The following DSG2 variants were observed in gnomAD, a reference collection of about 807,000 sequenced individuals.
The protein encoded by DSG2 is desmoglein-2.
A neutral mutation model predicts 75.6 loss-of-function variants in DSG2; 45 were observed. The ratio of observed to expected loss-of-function variants is 0.60; its 90% CI spans 0.47 to 0.76. DSG2 has a LOEUF of 0.76. Among genes scored for constraint, DSG2 ranks in the 30% least tolerant of loss-of-function variants. The probability of loss-of-function intolerance (pLI) is 0.00; values close to 1 mark genes in which losing one functional copy is unlikely to be tolerated. For missense variants in DSG2, 1,267 were observed against 1,357.4 expected (o/e 0.93, Z 1.05); for synonymous variants, 429 against 483.9 (o/e 0.89, Z 1.49).
rs1179912383 is a variant in DSG2 at position 31,542,721 on chromosome 18, G to A, written c.2203G>A (p.Ala735Thr). The A allele has an allele frequency of 9.9e-6, 16 of 1,614,054 alleles. No individual in the cohort carries two copies. The highest frequency in any genetic ancestry group is 5.5e-5 in the South Asian group (5 of 91,084). Residue 735 changes from alanine to threonine, a missense_variant, in exon 14 of 15, where the codon GCC becomes ACC. Physicochemically the swap from Ala to Thr is moderately conservative, Grantham distance 58 (BLOSUM62 0). Transcript: ENST00000261590. ...TGGTAGAGCTACCCAGTTTACAGGG[G>A]CCACAGGCGCTATCATGACCACTGA... ...LSGRATQFTGATGAIMTTETT... is the reference protein window; with the variant it reads ...LSGRATQFTGTTGAIMTTETT...
chr18:31,505,274 A>T (rs1246349534), intron 1 of DSG2, among the ~76,000 whole-genome samples: 2 of 152,156 alleles, frequency 1.3e-5, no homozygotes, highest in African/African-American at 4.8e-5. Context: ...TTCCTCCTGT[A>T]TGCACAGAAA....
intron 1 of DSG2, among the ~76,000 whole-genome samples, chr18:31,513,692 C>T (rs533642608): frequency 1.3e-5 from 2 of 152,300 alleles, no homozygotes; most frequent in Admixed American, 6.5e-5. Flanking sequence ...ATCTCCTCCC[C>T]GCTTCCCTCT....
intron 1 of DSG2, among the ~76,000 whole-genome samples, chr18:31,499,326 C>T (rs996395655): frequency 1.3e-5 from 2 of 151,498 alleles, no homozygotes; most frequent in Admixed American, 1.3e-4. Flanking sequence ...GCCCTTCTAT[C>T]CTCGAGTTTT....
intron 12 of DSG2, among the ~76,000 whole-genome samples, chr18:31,539,419 A>G (rs908378073): frequency 6.6e-6 from 1 of 152,180 alleles, no homozygotes; most frequent in Non-Finnish European, 1.5e-5. Flanking sequence ...CCTGCTTTGT[A>G]CATTCAACTT....
chr18:31,523,857 C>T (rs2144320986), intron 6 of DSG2, among the ~76,000 whole-genome samples: 1 of 152,356 alleles, frequency 6.6e-6, no homozygotes, highest in East Asian at 1.9e-4. Context: ...TGGTGTCCTG[C>T]TGTGCACTGA....
At chr18:31,541,135 T>A in intron 12 of DSG2, 58 bp from the exon 13 acceptor site, 1 of 1,612,216 alleles carries the variant, frequency 6.2e-7, no homozygotes, top group Non-Finnish European at 8.5e-7. Context: ...TTGTGCAATA[T>A]AAATTTAGAA....
At position 31,546,526 on chromosome 18, in the gene DSG2, C is replaced by A; in HGVS notation, c.3140C>A (p.Thr1047Lys). 6.2e-7 allele frequency: 1 copy of A among 1,614,208 alleles called. No homozygotes were observed. Residue 1047 changes from threonine to lysine, a missense_variant, in exon 15 of 15, where the codon ACA (threonine) becomes AAA (lysine). Thr to Lys is a moderately conservative substitution (Grantham distance 78). Transcript: ENST00000261590. ...GCAGTAGGACAGAATGTGACAGTGA[C>A]AGAAAGAGTTCTAGCACCTGCTTCC... ...NIAVGQNVTV[T>K]ERVLAPASTL...
Position 31,522,230 on chromosome 18 carries a change from G to A in DSG2, c.671G>A (p.Ser224Asn), listed in dbSNP as rs2073133013. The A allele has an allele frequency of 3.1e-6, 5 of 1,613,642 alleles. No individual in the cohort carries two copies. Among genetic ancestry groups the A allele is most frequent in the Non-Finnish European group, 4.2e-6 (5 of 1,179,676 alleles). Residue 224 changes from serine to asparagine, a missense_variant, in exon 6 of 15, where the codon AGT becomes AAT. Coordinates refer to ENST00000261590, the MANE Select transcript of DSG2 (RefSeq NM_001943.5). ...NKDTGEIYTTSVTLDREEHSS... is the reference protein window; with the variant it reads ...NKDTGEIYTTNVTLDREEHSS... ...GATACAGGAGAGATTTATACAACCA[G>A]TGTTACCTTGGACAGAGAGGTAAGT...
In DSG2 at chr18:31,522,214, G is replaced by A; in HGVS notation, c.655G>A (p.Glu219Lys). Reference sequence around the variant, plus strand: ...GTTCTACCTAAATAAAGATACAGGAGAGATTTATACAACCAGTGTTACCTT... The same window carrying A: ...GTTCTACCTAAATAAAGATACAGGAAAGATTTATACAACCAGTGTTACCTT... ...PVFYLNKDTG[E>K]IYTTSVTLDR... The change falls in exon 6 of 15, where the codon GAG becomes AAG. Residue 219 changes from glutamate (E) to lysine (K), a missense_variant. Transcript: ENST00000261590. 6.2e-7 allele frequency: 1 copy of A among 1,613,884 alleles called. No individual in the cohort carries two copies.
rs1039627559 is a variant in DSG2, at chr18:31,520,000, T to C, written c.216+63T>C. The stretch of plus-strand genomic sequence containing the variant: ...ACTAAAATGTGGTGTGAGAGGACTT[T>C]TATGTCTACTTTAAGATTTAAGGAA... On this transcript the variant is annotated intron_variant, in intron 3 of 14. Transcript: ENST00000261590. 6 of 1,596,304 alleles carry C rather than the reference T, an allele frequency of 3.8e-6. No individual in the cohort carries two copies. The African/African-American group carries it at 8.1e-5, about 21-fold the overall frequency.
chr18:31,546,422 T>TG lies in DSG2; in HGVS notation c.3036_3037insG (p.Tyr1013ValfsTer25), dbSNP rs2073310848. 1 of 1,614,154 alleles carries TG rather than the reference T, an allele frequency of 6.2e-7. No homozygotes were observed. Among genetic ancestry groups the TG allele is most frequent in the Middle Eastern group, 1.6e-4 (1 of 6,062 alleles). ...GCACTCAGCATCTTCAAGATGTACC[T>TG]TACGTCATGGTGAGGGAAAGAGAGA... On this transcript the variant is annotated frameshift_variant, in exon 15 of 15. Transcript: ENST00000261590. LOFTEE classifies it low-confidence loss of function (END_TRUNC).
In DSG2 at chr18:31,548,990, C is replaced by T. The variant is rs1007725383; in HGVS notation, c.*2247C>T. 5.9e-5 allele frequency: 9 copies of T among 152,254 alleles called. No individual in the cohort carries two copies. The highest frequency in any genetic ancestry group is 2.0e-4 in the Admixed American group (3 of 15,278). The allele number at this position is 152,254 out of a possible 1,614,324, so 9.4% of individuals were successfully genotyped here. A position where few individuals can be genotyped will look rare whatever the true frequency, so the allele number is the denominator to read the frequency against. ...ATCTGCTTGCAATAAAAAAAGTTGT[C>T]GGTTATCTAAAATTCAAATTTATCG... On this transcript the variant is annotated 3_prime_UTR_variant, in exon 15 of 15. Coordinates refer to ENST00000261590, the MANE Select transcript of DSG2 (RefSeq NM_001943.5).
chr18:31,542,619 T>A lies in DSG2; in HGVS notation c.2101T>A (p.Ser701Thr). ...AKEATMKGSS[S>T]ASIVKGQHEM... ...GGAAGCCACGATGAAAGGAAGTAGC[T>A]CTGCTTCCATTGTCAAAGGGCAACA... The change falls in exon 14 of 15, where the codon TCT (serine) becomes ACT (threonine). Residue 701 changes from serine (S) to threonine (T), a missense_variant. By Grantham distance (58) the Ser-to-Thr change is moderately conservative. Transcript: ENST00000261590. 1.2e-6 allele frequency: 2 copies of A among 1,614,136 alleles called. No individual in the cohort carries two copies. The highest frequency in any genetic ancestry group is 1.7e-6 in the Non-Finnish European group (2 of 1,180,022).
intron 1 of DSG2, among the ~76,000 whole-genome samples, chr18:31,511,711 A>C (rs942189421): frequency 6.6e-6 from 1 of 152,230 alleles, no homozygotes; most frequent in Admixed American, 6.5e-5. Flanking sequence ...CTTGACTTTA[A>C]GATGCACATC....
chr18:31,498,930 A>G (rs1442953878), intron 1 of DSG2, among the ~76,000 whole-genome samples: 1 of 152,186 alleles, frequency 6.6e-6, no homozygotes, highest in Non-Finnish European at 1.5e-5. Flanking sequence ...GATAATAAAC[A>G]TATGTAATAG....
intron 1 of DSG2, among the ~76,000 whole-genome samples, chr18:31,510,436 G>A (rs547411640): frequency 1.3e-5 from 2 of 152,268 alleles, no homozygotes; most frequent in East Asian, 3.9e-4. Flanking sequence ...TCAGCCAGGA[G>A]GAGCTGTCAT....
In DSG2 at chr18:31,546,406, A is replaced by G. The variant is rs750956420; in HGVS notation, c.3020A>G (p.His1007Arg). The G allele has an allele frequency of 6.2e-7, 1 of 1,614,214 alleles. No individual in the cohort carries two copies. Among genetic ancestry groups the G allele is most frequent in the South Asian group, 1.1e-5 (1 of 91,086 alleles). ...GGSNPLEGTQ[H>R]LQDVPYVMVR... ...TCGAATCCTCTGGAAGGCACTCAGCATCTTCAAGATGTACCTTACGTCATG... is the reference window on the plus strand; with the variant it reads ...TCGAATCCTCTGGAAGGCACTCAGCGTCTTCAAGATGTACCTTACGTCATG... The change falls in exon 15 of 15, where the codon CAT (histidine) becomes CGT (arginine). Residue 1007 changes from histidine (H) to arginine (R), a missense_variant. Physicochemically the swap from His to Arg is conservative, Grantham distance 29. Coordinates refer to ENST00000261590, the MANE Select transcript of DSG2 (RefSeq NM_001943.5).
intron 5 of DSG2, among the ~76,000 whole-genome samples, 158 bp downstream of exon 5, chr18:31,521,401 A>C (rs2073127743): frequency 6.6e-6 from 1 of 152,152 alleles, no homozygotes; most frequent in Non-Finnish European, 1.5e-5. Context: ...TTATAGGTTT[A>C]AAGGACTTTA....
chr18:31,518,655 T>C (rs1213940450), intron 2 of DSG2, among the ~76,000 whole-genome samples: 19 of 152,196 alleles, frequency 1.2e-4, no homozygotes. Flanking sequence ...ATCAAGCTGT[T>C]AATGAATACT....
Sources: allele counts gnomAD v4.1 joint callset (sites outside exome capture counted in the v4.1 genomes callset), GRCh38; gene constraint gnomAD v4.1.1; transcripts MANE v1.5; gene names NCBI Gene and HGNC (gene_info 2026-07-23, HGNC 2026-07-21).